CDH13: variants seen among roughly 807,000 people sequenced by gnomAD.
CDH13 encodes cadherin 13.
CDH13 carries 24 observed loss-of-function variants against 63.8 expected under a neutral mutation model. The ratio of observed to expected loss-of-function variants is 0.38; its 90% CI spans 0.27 to 0.53. CDH13 has a LOEUF of 0.53. CDH13 is among the 20% of genes least tolerant of loss of function. The pLI, the probability that CDH13 is intolerant of heterozygous loss-of-function variation, is 0.85. For synonymous variants in CDH13, 503 were observed against 355.3 expected (o/e 1.42, Z -4.67); for missense variants, 1,049 against 903.1 (o/e 1.16, Z -2.07).
chr16:83,792,500 C>A (rs1278458142), intron 13 of CDH13, among the ~76,000 whole-genome samples: 2 of 152,186 alleles, frequency 1.3e-5, no homozygotes, highest in African/African-American at 4.8e-5. Flanking sequence ...AACTAATTTG[C>A]CTCCCAGGAG....
rs182208188 is a variant in CDH13 at position 83,660,754 on chromosome 16, C to G, written c.1102-10036C>G. 3.3e-5 allele frequency among the ~76,000 whole-genome samples: 5 copies of G among 152,316 alleles called. No homozygotes were observed. In the East Asian group the frequency reaches 9.6e-4, roughly 29 times the overall value. On this transcript the variant is annotated intron_variant, in intron 8 of 13. Transcript: ENST00000567109. ...TCCTCCAGATTCAGATGTTGGTGGT[C>G]AAATGAGTATCTCTACAGAAAATCT...
At chr16:82,806,955 G>A (rs1889595704) in intron 1 of CDH13, among the ~76,000 whole-genome samples, 1 of 152,166 alleles carries the variant, frequency 6.6e-6, no homozygotes, top group Admixed American at 6.5e-5. Context: ...TCATCATTGG[G>A]GTGAAATCCA....
intron 7 of CDH13, among the ~76,000 whole-genome samples, chr16:83,602,130 A>AC (rs1567797625): frequency 3.3e-4 from 34 of 102,160 alleles, no homozygotes; most frequent in Middle Eastern, 4.7e-3. Flanking sequence ...AAAAAAAAAA[A>AC]AAAAAAAAAA....
At chr16:83,628,471 C>G (rs1307012892) in intron 8 of CDH13, among the ~76,000 whole-genome samples, 1 of 152,168 alleles carries the variant, frequency 6.6e-6, no homozygotes. Context: ...AAGTCACATT[C>G]CAGACCCTTT....
intron 7 of CDH13, among the ~76,000 whole-genome samples, chr16:83,505,206 C>T (rs962057667): frequency 1.3e-5 from 2 of 152,218 alleles, no homozygotes; most frequent in Non-Finnish European, 2.9e-5. Context: ...CAGGCTTCCC[C>T]TCCCATTGTA....
chr16:83,389,408 G>C (rs1005589085), intron 6 of CDH13, among the ~76,000 whole-genome samples: 7 of 152,100 alleles, frequency 4.6e-5, no homozygotes, highest in African/African-American at 1.2e-4. Context: ...CTTTCTATAA[G>C]AATAATTTTC....
rs1264526993 is a variant in CDH13 at position 83,796,607 on chromosome 16, G to A, written c.*1577G>A. 1 of 152,102 alleles carries A rather than the reference G, an allele frequency of 6.6e-6. No homozygotes were observed. The highest frequency in any genetic ancestry group is 2.4e-5 in the African/African-American group (1 of 41,412). 9.4% of individuals were successfully genotyped at this position (152,102 alleles called of 1,614,324 possible). ...TATTGGTGGTTAAAACTGCTGGACAGTAACTGTTCTCTGATTTCTATCTTG... is the reference window on the plus strand; with the variant it reads ...TATTGGTGGTTAAAACTGCTGGACAATAACTGTTCTCTGATTTCTATCTTG... On this transcript the variant is annotated 3_prime_UTR_variant, in exon 14 of 14. Transcript: ENST00000567109.
intron 7 of CDH13, among the ~76,000 whole-genome samples, chr16:83,514,144 T>C (rs1481256936): frequency 1.3e-5 from 2 of 152,334 alleles, no homozygotes; most frequent in East Asian, 3.9e-4. Flanking sequence ...CTTTGTTCTC[T>C]ATATTTATTT....
intron 1 of CDH13, among the ~76,000 whole-genome samples, chr16:82,717,962 C>G (rs2032502157): frequency 6.6e-6 from 1 of 152,164 alleles, no homozygotes; most frequent in African/African-American, 2.4e-5. Context: ...GCGAATGTCA[C>G]CCAATGAGAC....
chr16:82,790,788 A>G (rs2036261560), intron 1 of CDH13, among the ~76,000 whole-genome samples: 1 of 152,194 alleles, frequency 6.6e-6, no homozygotes, highest in Admixed American at 6.5e-5. Context: ...AGTCCCTTAT[A>G]AAACCATCAG....
At chr16:83,622,488 A>G (rs912196108) in intron 8 of CDH13, among the ~76,000 whole-genome samples, 5 of 152,164 alleles carry the variant, frequency 3.3e-5, no homozygotes, top group South Asian at 2.1e-4. Flanking sequence ...ACTTTTCCAC[A>G]CTTCAGTATA....
chr16:83,650,421 T>C (rs995195819), intron 8 of CDH13, among the ~76,000 whole-genome samples: 1 of 152,206 alleles, frequency 6.6e-6, no homozygotes, highest in African/African-American at 2.4e-5. Context: ...GATGTTTGAA[T>C]CTATGACCAA....
chr16:82,663,610 A>G (rs1284383535), intron 1 of CDH13, among the ~76,000 whole-genome samples: 1 of 152,220 alleles, frequency 6.6e-6, no homozygotes, highest in Non-Finnish European at 1.5e-5. Flanking sequence ...TAAAAAGTTC[A>G]AAAGCATCTT....
chr16:82,693,734 C>G (rs1259999900), intron 1 of CDH13, among the ~76,000 whole-genome samples: 1 of 152,176 alleles, frequency 6.6e-6, no homozygotes, highest in East Asian at 1.9e-4. Context: ...GAGCTATTGC[C>G]TATTGCCACT....
chr16:82,815,504 A>G (rs57671058), intron 1 of CDH13, among the ~76,000 whole-genome samples: 2,867 of 151,976 alleles, frequency 0.019, 90 homozygotes, highest in African/African-American at 0.064. Flanking sequence ...CATGGAAAAC[A>G]CTCCCTACAT....
At chr16:83,205,360 C>A (rs1196336193) in intron 4 of CDH13, among the ~76,000 whole-genome samples, 1 of 152,096 alleles carries the variant, frequency 6.6e-6, no homozygotes, top group Non-Finnish European at 1.5e-5. Context: ...GGTTTGGGCC[C>A]AGCAAATAAA....
intron 6 of CDH13, among the ~76,000 whole-genome samples, chr16:83,354,736 C>T (rs1352609432): frequency 5.9e-5 from 9 of 152,134 alleles, no homozygotes; most frequent in Admixed American, 6.5e-5. Context: ...ACCTGAGGGA[C>T]GGTAGTACCA....
At chr16:83,606,238 A>G (rs1475652485) in intron 8 of CDH13, among the ~76,000 whole-genome samples, 1 of 152,218 alleles carries the variant, frequency 6.6e-6, no homozygotes, top group Non-Finnish European at 1.5e-5. Flanking sequence ...ATCTTAGGAC[A>G]TTTCGAAGTT....
At position 82,773,236 on chromosome 16, in the gene CDH13, T is replaced by C. The variant is rs373653501; in HGVS notation, c.46-85126T>C. The C allele has an allele frequency of 1.3e-5, 2 of 152,368 alleles. 1 individual carries two copies. 9.4% of individuals were successfully genotyped at this position (152,368 alleles called of 1,614,324 possible). ...GTGAATTTTTTTGTGGTAAGAGAGA[T>C]AAATGTCCCTCTTGTTCTTTGTGGT... On this transcript the variant is annotated intron_variant, in intron 1 of 13. Coordinates refer to ENST00000567109, the MANE Select transcript of CDH13 (RefSeq NM_001257.5).
Sources: allele counts gnomAD v4.1 joint callset (sites outside exome capture counted in the v4.1 genomes callset), GRCh38; gene constraint gnomAD v4.1.1; transcripts MANE v1.5; gene names NCBI Gene and HGNC (gene_info 2026-07-23, HGNC 2026-07-21).